NAPA: variants seen among roughly 807,000 people sequenced by gnomAD.
NAPA encodes alpha-soluble NSF attachment protein.
In NAPA, 18 loss-of-function variants were observed where a neutral mutation model predicts 48.0. That is an observed-to-expected ratio of 0.38 (90% CI 0.26 to 0.56). NAPA has a LOEUF of 0.56. Ranked by LOEUF, NAPA falls within the 20% of genes least tolerant of loss-of-function variation. The probability of loss-of-function intolerance (pLI) is 0.77; values close to 1 mark genes in which losing one functional copy is unlikely to be tolerated. For synonymous variants in NAPA, 152 were observed against 149.9 expected, an observed-to-expected ratio of 1.01 and a Z score of -0.10; for missense variants, 315 against 385.0, an observed-to-expected ratio of 0.82 and a Z score of 1.52.
chr19:47,507,574 A>G (rs1433934663), intron 1 of NAPA, among the ~76,000 whole-genome samples: 2 of 152,166 alleles, frequency 1.3e-5, no homozygotes, highest in African/African-American at 4.8e-5. Context: ...CCACAGGCCT[A>G]CGGTTTCCTC....
chr19:47,513,366 A>G (rs1968841359), intron 1 of NAPA, among the ~76,000 whole-genome samples: 1 of 152,178 alleles, frequency 6.6e-6, no homozygotes, highest in African/African-American at 2.4e-5. Context: ...TGGAAGTCAC[A>G]TTAACAACAG....
chr19:47,514,751 C>A, intron 1 of NAPA, 92 bp downstream of exon 1: 1 of 1,257,066 alleles, frequency 8.0e-7, no homozygotes, highest in Non-Finnish European at 1.1e-6. Flanking sequence ...CCCCTCGGCC[C>A]GAGCTCTGCG....
At chr19:47,514,733 C>T in intron 1 of NAPA, 110 bp downstream of exon 1, 1 of 1,029,942 alleles carries the variant, frequency 9.7e-7, no homozygotes, top group Non-Finnish European at 1.5e-6. Context: ...TTGCAGGTTC[C>T]TCTCCGTCCC....
intron 1 of NAPA, 138 bp from the exon 2 acceptor site, chr19:47,503,640 CTT>C: frequency 2.5e-6 from 2 of 798,818 alleles, no homozygotes; most frequent in Non-Finnish European, 4.2e-6. Flanking sequence ...CCCCAGGCCT[CTT>C]GAGTCTGTGG....
rs371760941 is a variant in NAPA at position 47,500,610 on chromosome 19, G to C, written c.295+23C>G. 1.2e-5 allele frequency: 19 copies of C among 1,575,286 alleles called. No homozygotes were observed. In the African/African-American group the frequency reaches 2.6e-4, roughly 22 times the overall value. ...GGATGGCGCTCCGGACAGCCAGCCC[G>C]TGTGGCCCGCAGAGGCCCTCACCTT... On this transcript the variant is annotated intron_variant, in intron 3 of 10. Transcript: ENST00000263354.
At chr19:47,488,646 G>C (rs1968150455) in intron 10 of NAPA, 1 of 253,344 alleles carries the variant, frequency 3.9e-6, no homozygotes, top group African/African-American at 2.2e-5. Flanking sequence ...ATGGCTGGGC[G>C]CAGTAGCTCA....
chr19:47,486,089 C>G (rs1273491861), downstream of NAPA, among the ~76,000 whole-genome samples: 2 of 152,174 alleles, frequency 1.3e-5, no homozygotes, highest in African/African-American at 4.8e-5. Context: ...GGCCTGGTGG[C>G]TCATGCCTGT....
Position 47,493,087 on chromosome 19 carries a change from T to C in NAPA, c.476+32A>G. On this transcript the variant is annotated intron_variant, in intron 6 of 10. Coordinates refer to ENST00000263354, the MANE Select transcript of NAPA (RefSeq NM_003827.4). This position sits in a 1 kb window ranked among gnomAD's most constrained non-coding sequence, Gnocchi z 6.4. The stretch of plus-strand genomic sequence containing the variant: ...AGTGAGGGGAAGTGGTGGCGGTCCC[T>C]GCGGGGCTGGGGCAGGCAGGAAGGG... The C allele has an allele frequency of 6.2e-7, 1 of 1,613,858 alleles. No individual in the cohort carries two copies. The highest frequency in any genetic ancestry group is 1.1e-5 in the South Asian group (1 of 91,062).
At chr19:47,505,994 CTT>C (rs760461648) in intron 1 of NAPA, among the ~76,000 whole-genome samples, 2 of 126,928 alleles carry the variant, frequency 1.6e-5, no homozygotes, top group Non-Finnish European at 1.7e-5. Context: ...GGAGTGACTT[CTT>C]TTTTTTTTTT....
At position 47,492,121 on chromosome 19, in the gene NAPA, T is replaced by C; in HGVS notation, c.562-2A>G. 1 of 1,612,842 alleles carries C rather than the reference T, an allele frequency of 6.2e-7. No homozygotes were observed. The highest frequency in any genetic ancestry group is 8.5e-7 in the Non-Finnish European group (1 of 1,179,100). On this transcript the variant is annotated splice_acceptor_variant, in intron 7 of 10. Coordinates refer to ENST00000263354, the MANE Select transcript of NAPA (RefSeq NM_003827.4). LOFTEE classifies it high-confidence loss of function. ...GCTGTCCATGGCATTGGTCCCCACC[T>C]GTAGCCATGGAGAAGTGGCACTGGT...
chr19:47,511,747 A>G (rs1317295799), intron 1 of NAPA, among the ~76,000 whole-genome samples: 1 of 152,144 alleles, frequency 6.6e-6, no homozygotes, highest in Non-Finnish European at 1.5e-5. Flanking sequence ...CTCCACGGGG[A>G]TTTTGTAAGG....
chr19:47,492,300 G>C (rs1040117185), intron 7 of NAPA, 181 bp from the exon 8 acceptor site: 3 of 582,788 alleles, frequency 5.1e-6, no homozygotes, highest in South Asian at 4.1e-5. Context: ...CGGCCAGTGC[G>C]TGAGCGACCA....
downstream of NAPA, among the ~76,000 whole-genome samples, chr19:47,485,927 C>T (rs1189815411): frequency 3.3e-5 from 5 of 152,150 alleles, no homozygotes; most frequent in Admixed American, 2.6e-4. Flanking sequence ...GGCGTCTTCC[C>T]GCCCTAGTAA....
Position 47,493,045 on chromosome 19 carries a change from G to C in NAPA, c.477C>G (p.Ser159Arg), listed in dbSNP as rs753527653. ...CCTTCAGCAGACACTTGTTGGCTGA[G>C]CTGTGTGGGGAGGAGTAGTGAGGGG... ...ADYYKGEESNSSANKCLLKVA... is the reference protein window; with the variant it reads ...ADYYKGEESNRSANKCLLKVA... The change falls in exon 7 of 11, where the codon AGC becomes AGG. Residue 159 changes from serine (S) to arginine (R), a missense_variant and splice_region_variant. Transcript: ENST00000263354. The surrounding 1 kb of genome is among the most constrained non-coding windows in gnomAD (Gnocchi z 6.4). The C allele has an allele frequency of 6.2e-7, 1 of 1,614,052 alleles. No individual in the cohort carries two copies. The highest frequency in any genetic ancestry group is 8.5e-7 in the Non-Finnish European group (1 of 1,180,018).
At chr19:47,513,151 C>T (rs1363210583) in intron 1 of NAPA, among the ~76,000 whole-genome samples, 1 of 152,174 alleles carries the variant, frequency 6.6e-6, no homozygotes, top group Non-Finnish European at 1.5e-5. Context: ...CTGCCAAACT[C>T]CCTTCTCCTT....
chr19:47,489,921 C>T (rs918993729), intron 9 of NAPA, among the ~76,000 whole-genome samples, 160 bp from the exon 10 acceptor site: 7 of 152,144 alleles, frequency 4.6e-5, no homozygotes, highest in Non-Finnish European at 7.3e-5. Flanking sequence ...GGGATGGGTA[C>T]GGGCGTGTTG....
Position 47,511,790 on chromosome 19 carries a change from C to G in NAPA, c.98+3053G>C, listed in dbSNP as rs1041587565. ...CCATACCATCCATCAGCAGGTTGAG[C>G]CTGGCCCAGGCCAGGGTCTGAGTCA... On this transcript the variant is annotated intron_variant, in intron 1 of 10. Coordinates refer to ENST00000263354, the MANE Select transcript of NAPA (RefSeq NM_003827.4). 1.3e-5 allele frequency among the ~76,000 whole-genome samples: 2 copies of G among 152,218 alleles called. 1 individual carries two copies. The highest frequency in any genetic ancestry group is 2.9e-5 in the Non-Finnish European group (2 of 68,024).
At position 47,506,995 on chromosome 19, in the gene NAPA, C is replaced by T. The variant is rs1968705407; in HGVS notation, c.99-3493G>A. 6.6e-6 allele frequency: 1 copy of T among 152,230 alleles called. No homozygotes were observed. Among genetic ancestry groups the T allele is most frequent in the Admixed American group, 6.5e-5 (1 of 15,272 alleles). 9.4% of individuals were successfully genotyped at this position (152,230 alleles called of 1,614,324 possible). A position where few individuals can be genotyped will look rare whatever the true frequency, so the allele number is the denominator to read the frequency against. ...TTCACCTGGGGAACAGGTATCCGAG[C>T]ATTTATTACGTGCCAGGAGATAACA... is the stretch of plus-strand genomic sequence containing the variant. On this transcript the variant is annotated intron_variant, in intron 1 of 10. Transcript: ENST00000263354. The surrounding 1 kb of genome is among the most constrained non-coding windows in gnomAD (Gnocchi z 4.0).
At chr19:47,505,772 A>G (rs542323891) in intron 1 of NAPA, among the ~76,000 whole-genome samples, 1 of 152,210 alleles carries the variant, frequency 6.6e-6, no homozygotes, top group South Asian at 2.1e-4. Flanking sequence ...CACACCAGGT[A>G]AATAATCTAT....
Sources: allele counts gnomAD v4.1 joint callset (sites outside exome capture counted in the v4.1 genomes callset), GRCh38; gene constraint gnomAD v4.1.1; non-coding constraint Gnocchi (gnomAD v3.1); transcripts MANE v1.5; gene names NCBI Gene and HGNC (gene_info 2026-07-23, HGNC 2026-07-21).